The following BRD10 variants were observed in gnomAD, a reference collection of about 807,000 sequenced individuals.
BRD10 encodes bromodomain containing 10.
chr9:5,993,523 C>T, the BRD10 span, among the ~76,000 whole-genome samples: 2 of 152,100 alleles, frequency 1.3e-5, no homozygotes, highest in African/African-American at 4.8e-5. Flanking sequence ...GATAGTGAAG[C>T]ACTCCAGTGC....
chr9:6,002,866 G>C, the BRD10 span, among the ~76,000 whole-genome samples: 3 of 151,896 alleles, frequency 2.0e-5, no homozygotes, highest in Non-Finnish European at 2.9e-5. Context: ...GTTTGTTTAA[G>C]TAAAGATGGG....
At chr9:5,896,316 C>T in the BRD10 span, among the ~76,000 whole-genome samples, 1 of 152,220 alleles carries the variant, frequency 6.6e-6, no homozygotes, top group Non-Finnish European at 1.5e-5. Context: ...ATGGTAGTCA[C>T]TATGGTTATG....
chr9:5,974,137 T>C, the BRD10 span, among the ~76,000 whole-genome samples: 2 of 152,014 alleles, frequency 1.3e-5, no homozygotes, highest in African/African-American at 2.4e-5. Flanking sequence ...TCTTAAAAGA[T>C]GCAGAAAAAA....
At chr9:5,880,732 T>A in the BRD10 span, among the ~76,000 whole-genome samples, 1 of 148,688 alleles carries the variant, frequency 6.7e-6, no homozygotes, top group African/African-American at 2.5e-5. Context: ...TGAGATGAAG[T>A]CTCGCTCTGT....
the BRD10 span, among the ~76,000 whole-genome samples, chr9:5,911,405 G>GTTTTTTT: frequency 9.7e-6 from 1 of 103,586 alleles, no homozygotes. Flanking sequence ...GTCTATGTGT[G>GTTTTTTT]TTTTTTTTTT....
the BRD10 span, among the ~76,000 whole-genome samples, chr9:5,983,047 C>T: frequency 3.9e-5 from 6 of 152,264 alleles, no homozygotes; most frequent in East Asian, 5.8e-4. Context: ...CCTGCTGACA[C>T]GGAGAGCCAA....
the BRD10 span, among the ~76,000 whole-genome samples, chr9:5,912,414 C>A: frequency 6.6e-6 from 1 of 151,910 alleles, no homozygotes; most frequent in Non-Finnish European, 1.5e-5. Flanking sequence ...TGAAGGTGAC[C>A]CTAACCCATC....
the BRD10 span, chr9:5,920,011 T>G: frequency 6.2e-7 from 1 of 1,613,934 alleles, no homozygotes; most frequent in Non-Finnish European, 8.5e-7. Flanking sequence ...GTACAGGAGG[T>G]GGAACAGGAA....
the BRD10 span, among the ~76,000 whole-genome samples, chr9:5,981,551 A>G: frequency 7.2e-6 from 1 of 139,274 alleles, no homozygotes; most frequent in Non-Finnish European, 1.5e-5. Flanking sequence ...GACCTGGACT[A>G]TCTATCTATC....
the BRD10 span, among the ~76,000 whole-genome samples, chr9:5,939,435 A>T: frequency 6.6e-6 from 1 of 152,340 alleles, no homozygotes; most frequent in African/African-American, 2.4e-5. Flanking sequence ...TATTGTTTGT[A>T]ACTTATTTCC....
chr9:5,916,885 A>C, the BRD10 span, among the ~76,000 whole-genome samples: 10 of 152,132 alleles, frequency 6.6e-5, no homozygotes, highest in Admixed American at 2.6e-4. Flanking sequence ...AACACTAAAC[A>C]CAATGAATTC....
At chr9:5,957,597 G>A in the BRD10 span, among the ~76,000 whole-genome samples, 1 of 151,916 alleles carries the variant, frequency 6.6e-6, no homozygotes, top group Admixed American at 6.6e-5. Context: ...CTCTTTTTAT[G>A]GTAAAATACT....
At chr9:5,990,693 T>C in the BRD10 span, among the ~76,000 whole-genome samples, 2 of 152,150 alleles carry the variant, frequency 1.3e-5, no homozygotes, top group African/African-American at 4.8e-5. Flanking sequence ...TGGTGCTGCT[T>C]CTCTCTCACC....
the BRD10 span, among the ~76,000 whole-genome samples, chr9:5,976,263 T>A: frequency 1.3e-5 from 2 of 152,226 alleles, no homozygotes. Context: ...ATCACGTTTA[T>A]GTTAAATTTA....
At chr9:5,919,836 T>G in the BRD10 span, 1 of 1,613,932 alleles carries the variant, frequency 6.2e-7, no homozygotes, top group Non-Finnish European at 8.5e-7. Flanking sequence ...GTATTCAAAA[T>G]GGCTCCTTCT....
At chr9:5,908,719 G>C in the BRD10 span, 2 of 1,607,166 alleles carry the variant, frequency 1.2e-6, no homozygotes, top group East Asian at 4.5e-5. Context: ...GAGCCAGCGA[G>C]ACACCTGAGA....
the BRD10 span, among the ~76,000 whole-genome samples, chr9:5,944,484 T>C: frequency 6.6e-6 from 1 of 152,108 alleles, no homozygotes; most frequent in East Asian, 1.9e-4. Flanking sequence ...TTACATCTGT[T>C]TTTATGTTAC....
At chr9:5,968,385 G>T in the BRD10 span, 1 of 1,611,602 alleles carries the variant, frequency 6.2e-7, no homozygotes, top group East Asian at 2.2e-5. Context: ...TATTTTTCCT[G>T]ATTTTCTATA....
the BRD10 span, among the ~76,000 whole-genome samples, chr9:5,960,590 C>A: frequency 2.0e-4 from 30 of 150,574 alleles, no homozygotes; most frequent in Non-Finnish European, 3.5e-4. Flanking sequence ...AAAGAAAAGA[C>A]AATAATGACT....
Sources: allele counts gnomAD v4.1 joint callset (sites outside exome capture counted in the v4.1 genomes callset), GRCh38; gene constraint gnomAD v4.1.1; transcripts MANE v1.5; gene names NCBI Gene and HGNC (gene_info 2026-07-23, HGNC 2026-07-21).